The following PURG variants were observed in gnomAD, a reference collection of about 807,000 sequenced individuals.
PURG encodes the protein purine-rich element-binding protein gamma.
A neutral mutation model predicts 24.3 loss-of-function variants in PURG; 3 were observed. That is an observed-to-expected ratio of 0.12 (90% confidence interval 0.06 to 0.32). PURG has a LOEUF of 0.32. Ranked by LOEUF, PURG falls within the 10% of genes least tolerant of loss-of-function variation. The probability of loss-of-function intolerance (pLI) is 1.00; values close to 1 mark genes in which losing one functional copy is unlikely to be tolerated. For synonymous variants in PURG, 180 were observed against 173.1 expected (o/e 1.04, Z -0.31); for missense variants, 371 against 439.1 (o/e 0.84, Z 1.39).
chr8:31,026,428 A>G (rs1427071373), downstream of PURG, among the ~76,000 whole-genome samples: 1 of 151,458 alleles, frequency 6.6e-6, no homozygotes, highest in Non-Finnish European at 1.5e-5. Context: ...ATATATTTGC[A>G]CTTTAAGTAA....
At position 31,031,655 on chromosome 8, in the gene PURG, G is replaced by A; in HGVS notation, c.*84C>T. 1 of 1,358,570 alleles carries A rather than the reference G, an allele frequency of 7.4e-7. No homozygotes were observed. Among genetic ancestry groups the A allele is most frequent in the Non-Finnish European group, 9.8e-7 (1 of 1,019,104 alleles). The allele number at this position is 1,358,570 out of a possible 1,614,324, so 84.2% of individuals were successfully genotyped here. The stretch of plus-strand genomic sequence containing the variant: ...CTAATAACAACGGGCCAAAAAAGAG[G>A]AAAAACTTCTTCAAAGGATAATGGA... On this transcript the variant is annotated 3_prime_UTR_variant, in exon 2 of 2. Coordinates refer to ENST00000523392, the MANE Select transcript of PURG (RefSeq NM_001323311.2).
chr8:31,000,467 C>T (rs965349089), intron 1 of PURG, among the ~76,000 whole-genome samples: 1 of 151,966 alleles, frequency 6.6e-6, no homozygotes, highest in African/African-American at 2.4e-5. Context: ...CTAGAGTTGC[C>T]TCATTATAAA....
downstream of PURG, among the ~76,000 whole-genome samples, chr8:31,028,639 G>A (rs1408152354): frequency 6.6e-6 from 1 of 151,752 alleles, no homozygotes; most frequent in East Asian, 1.9e-4. Context: ...CAGGGACATG[G>A]CAGTCTGGGG....
intron 1 of PURG, among the ~76,000 whole-genome samples, chr8:31,002,849 C>T (rs549065177): frequency 5.1e-4 from 77 of 152,258 alleles, no homozygotes; most frequent in African/African-American, 1.8e-3. Context: ...GGAACAAAGA[C>T]CATATCCTCA....
intron 1 of PURG, among the ~76,000 whole-genome samples, chr8:31,010,257 C>A (rs780057126): frequency 1.6e-4 from 25 of 152,190 alleles, no homozygotes; most frequent in Admixed American, 3.9e-4. Context: ...GGTGCCATGA[C>A]AAGACTTGGG....
rs760688086 is a variant in PURG, at chr8:31,032,428, G to C, written c.355C>G (p.Leu119Val). The C allele has an allele frequency of 1.2e-6, 2 of 1,614,090 alleles. No homozygotes were observed. The highest frequency in any genetic ancestry group is 1.7e-6 in the Non-Finnish European group (2 of 1,180,028). The change falls in exon 2 of 2, where the codon CTA (leucine) becomes GTA (valine). Residue 119 changes from leucine (L) to valine (V), a missense_variant. Leu to Val is a conservative substitution (Grantham distance 32). Coordinates refer to ENST00000523392, the MANE Select transcript of PURG (RefSeq NM_001323311.2). This position sits in a 1 kb window ranked among gnomAD's most constrained non-coding sequence, Gnocchi z 5.9. ...GCATAGTGCTCGATGAAGTCCCCTA[G>C]ACAGTCCTTCAGCTCCGCTGCCACA... ...LSVAAELKDC[L>V]GDFIEHYAHL...
At chr8:31,022,257 C>T (rs1811012068) in intron 1 of PURG, among the ~76,000 whole-genome samples, 1 of 152,154 alleles carries the variant, frequency 6.6e-6, no homozygotes, top group Admixed American at 6.5e-5. Context: ...AGGCATGAGC[C>T]ACCACACCCA....
chr8:31,002,885 C>T (rs765457173), intron 1 of PURG, among the ~76,000 whole-genome samples: 28 of 152,262 alleles, frequency 1.8e-4, no homozygotes, highest in Admixed American at 2.6e-4. Context: ...CAAACATTAT[C>T]GGCAGTTTAA....
chr8:31,032,745 C>T lies in PURG; in HGVS notation c.38G>A (p.Arg13His). ...CCCTACATTCTTGCCTCCGCGGCCG[C>T]GGCCGCCGCCGCCTCCCCTTCGCCT... Reference protein sequence around the residue: ...RARRRGGGGGRGRGGKNVGGS... With the variant: ...RARRRGGGGGHGRGGKNVGGS... Residue 13 changes from arginine (R) to histidine (H), a missense_variant, in exon 2 of 2, where the codon CGC becomes CAC. Physicochemically the swap from Arg to His is conservative, Grantham distance 29 (BLOSUM62 0). This residue lies in a region of PURG where 213 missense variants were observed against 230.6 expected (regional missense o/e 0.92). Transcript: ENST00000523392. This position sits in a 1 kb window ranked among gnomAD's most constrained non-coding sequence, Gnocchi z 5.9. 1 of 1,428,334 alleles carries T rather than the reference C, an allele frequency of 7.0e-7. No homozygotes were observed. The highest frequency in any genetic ancestry group is 9.2e-7 in the Non-Finnish European group (1 of 1,086,954). The allele number at this position is 1,428,334 out of a possible 1,614,324, so 88.5% of individuals were successfully genotyped here. A position where few individuals can be genotyped will look rare whatever the true frequency, so the allele number is the denominator to read the frequency against.
intron 1 of PURG, among the ~76,000 whole-genome samples, chr8:31,002,724 T>G (rs1401829355): frequency 6.6e-6 from 1 of 152,206 alleles, no homozygotes; most frequent in Non-Finnish European, 1.5e-5. Context: ...CCTCAGGTGA[T>G]CCACTTGCCT....
At chr8:31,010,083 C>A (rs1810736330) in intron 1 of PURG, among the ~76,000 whole-genome samples, 1 of 151,836 alleles carries the variant, frequency 6.6e-6, no homozygotes, top group Non-Finnish European at 1.5e-5. Context: ...GGTGACAAAG[C>A]AAGACCCTGT....
chr8:31,014,403 TA>T (rs1563306482), intron 1 of PURG, among the ~76,000 whole-genome samples: 1 of 152,196 alleles, frequency 6.6e-6, no homozygotes, highest in Non-Finnish European at 1.5e-5. Context: ...ATTGATTTCT[TA>T]AAAAAATTTT....
At chr8:31,004,377 G>A (rs960182802) in intron 1 of PURG, among the ~76,000 whole-genome samples, 1 of 152,140 alleles carries the variant, frequency 6.6e-6, no homozygotes, top group Non-Finnish European at 1.5e-5. Context: ...TTTCCAGCAC[G>A]TTTTGATAAT....
intron 1 of PURG, among the ~76,000 whole-genome samples, chr8:30,998,137 C>T (rs1810464567): frequency 6.6e-6 from 1 of 151,704 alleles, no homozygotes; most frequent in South Asian, 2.1e-4. Flanking sequence ...ATGAAAAAGC[C>T]TTCAAATTTT....
chr8:31,028,951 C>A (rs1268254799), downstream of PURG, among the ~76,000 whole-genome samples: 1 of 151,740 alleles, frequency 6.6e-6, no homozygotes, highest in Non-Finnish European at 1.5e-5. Flanking sequence ...CTTCCAGTTG[C>A]CTTAAGAGTT....
intron 1 of PURG, among the ~76,000 whole-genome samples, chr8:31,024,889 T>C (rs1372638756): frequency 6.6e-6 from 1 of 152,034 alleles, no homozygotes; most frequent in African/African-American, 2.4e-5. Flanking sequence ...AGGGACAATT[T>C]TTCCCTTTCC....
At chr8:31,027,453 A>C (rs568158996), downstream of PURG, among the ~76,000 whole-genome samples, 1 of 151,908 alleles carries the variant, frequency 6.6e-6, no homozygotes, top group African/African-American at 2.4e-5. Flanking sequence ...AGTCCTATTC[A>C]TTTAAATATT....
At chr8:31,022,709 T>A (rs1339556455) in intron 1 of PURG, among the ~76,000 whole-genome samples, 1 of 152,240 alleles carries the variant, frequency 6.6e-6, no homozygotes, top group Admixed American at 6.5e-5. Flanking sequence ...CAACTGATTA[T>A]AACATGAGAT....
chr8:31,024,514 G>A (rs1019419548), intron 1 of PURG, among the ~76,000 whole-genome samples: 6 of 152,088 alleles, frequency 3.9e-5, no homozygotes, highest in Admixed American at 2.0e-4. Flanking sequence ...TGAGTTTTGA[G>A]AATGACTTAT....
Sources: gnomAD v4.1 joint callset for allele counts (sites outside exome capture counted in the v4.1 genomes callset) on GRCh38, gnomAD v4.1.1 for gene constraint, gnomAD v4.1.1 regional missense constraint, Gnocchi (gnomAD v3.1) non-coding constraint, MANE v1.5 for transcripts, NCBI Gene and HGNC (gene_info 2026-07-23, HGNC 2026-07-21) for gene names.